DNAH5: variants seen among roughly 807,000 people sequenced by gnomAD.
DNAH5 encodes dynein axonemal heavy chain 5.
A neutral mutation model predicts 518.2 loss-of-function variants in DNAH5; 372 were observed. The observed-to-expected ratio is 0.72, with a 90% CI of 0.66 to 0.78. DNAH5 has a LOEUF of 0.78. Among genes scored for constraint, DNAH5 ranks in the 30% least tolerant of loss-of-function variants. DNAH5 has a pLI of 0.00. For missense variants in DNAH5, 5,523 were observed against 5,687.0 expected, an observed-to-expected ratio of 0.97 and a Z score of 0.93; for synonymous variants, 2,039 against 2,025.9, an observed-to-expected ratio of 1.01 and a Z score of -0.17.
intron 22 of DNAH5, among the ~76,000 whole-genome samples, 185 bp downstream of exon 22, chr5:13,876,499 T>C (rs554653515): frequency 3.3e-5 from 5 of 152,358 alleles, no homozygotes; most frequent in African/African-American, 1.2e-4. Context: ...TAATTTTTTT[T>C]CACCTTGCAA....
At chr5:13,727,182 C>A (rs1745860679) in intron 70 of DNAH5, among the ~76,000 whole-genome samples, 2 of 152,136 alleles carry the variant, frequency 1.3e-5, no homozygotes, top group South Asian at 2.1e-4. Context: ...GCCATATAAT[C>A]TTTGATTGAA....
In DNAH5 at chr5:13,867,966, A is replaced by T; in HGVS notation, c.3861T>A (p.Tyr1287Ter). 5 of 1,613,398 alleles carry T rather than the reference A, an allele frequency of 3.1e-6. No individual in the cohort carries two copies. Among genetic ancestry groups the T allele is most frequent in the Non-Finnish European group, 4.2e-6 (5 of 1,179,846 alleles). The change falls in exon 25 of 79, where the codon TAT becomes TAA. Residue 1287 changes from tyrosine (Y) to a stop codon, truncating the protein, a stop_gained. Coordinates refer to ENST00000265104, the MANE Select transcript of DNAH5 (RefSeq NM_001369.3). LOFTEE classifies it high-confidence loss of function. ...IEESYALLNR[Y>*]GLLIAREEID... ...TCTCTTCCCTTGCTATCAGAAGTCCATATCTGTTAAGCAGGGCATAAGATT... is the reference window on the plus strand; with the variant it reads ...TCTCTTCCCTTGCTATCAGAAGTCCTTATCTGTTAAGCAGGGCATAAGATT...
chr5:13,774,296 T>C (rs1485100659), intron 55 of DNAH5, among the ~76,000 whole-genome samples: 1 of 151,934 alleles, frequency 6.6e-6, no homozygotes, highest in Non-Finnish European at 1.5e-5. Context: ...GGGGAGGTGT[T>C]GATGACAAAG....
At chr5:13,898,414 G>A in intron 15 of DNAH5, 1 of 397,020 alleles carries the variant, frequency 2.5e-6, no homozygotes. Flanking sequence ...GTTTCCTAAT[G>A]TGAAAGAGTC....
chr5:13,929,605 G>A (rs927564730), intron 2 of DNAH5, among the ~76,000 whole-genome samples: 1 of 152,120 alleles, frequency 6.6e-6, no homozygotes, highest in Non-Finnish European at 1.5e-5. Context: ...CCACAGGGAC[G>A]AGGAGGAAGG....
chr5:13,753,593 C>T lies in DNAH5; in HGVS notation c.10556-44G>A, dbSNP rs569385998. ...ACCATTGAAATACTTTACGTTCATC[C>T]GTGTGATTGTACAGCATATTAAAAA... On this transcript the variant is annotated intron_variant, in intron 62 of 78. Transcript: ENST00000265104. 2.0e-5 allele frequency: 30 copies of T among 1,508,884 alleles called. No homozygotes were observed. In the East Asian group the frequency reaches 3.2e-4, roughly 16 times the overall value. The allele number at this position is 1,508,884 out of a possible 1,614,324, so 93.5% of individuals were successfully genotyped here.
At position 13,753,275 on chromosome 5, in the gene DNAH5, G is replaced by A. The variant is rs1750510101; in HGVS notation, c.10830C>T (p.Gly3610=). Residue 3610 remains glycine, a synonymous_variant, in exon 63 of 79, where the codon GGC becomes GGT. Coordinates refer to ENST00000265104, the MANE Select transcript of DNAH5 (RefSeq NM_001369.3). ...YPLLIDPQTQ[G]KIWIKNKESR... is the part of the protein sequence containing the mutation. ...TTTCTTTATTTTTAATCCAGATCTT[G>A]CCTTGAGTCTGTGGATCAATTAACA... The A allele has an allele frequency of 6.2e-7, 1 of 1,613,926 alleles. No individual in the cohort carries two copies. The highest frequency in any genetic ancestry group is 8.5e-7 in the Non-Finnish European group (1 of 1,179,878).
chr5:13,832,878 G>T (rs750395990), intron 35 of DNAH5, among the ~76,000 whole-genome samples: 1 of 152,120 alleles, frequency 6.6e-6, no homozygotes, highest in Admixed American at 6.5e-5. Flanking sequence ...ATTAGCACTC[G>T]AACTAACCAA....
In DNAH5 at chr5:13,707,674, A is replaced by G. The variant is rs925420408; in HGVS notation, c.13338+449T>C. On this transcript the variant is annotated intron_variant, in intron 76 of 78. Transcript: ENST00000265104. The surrounding 1 kb of genome is among the most constrained non-coding windows in gnomAD (Gnocchi z 4.0). ...AACTCCTCCGATTTCGACAGCATGTAGCAGAAACTTTATTTTTTTTTTCCT... is the reference window on the plus strand; with the variant it reads ...AACTCCTCCGATTTCGACAGCATGTGGCAGAAACTTTATTTTTTTTTTCCT... Among the ~76,000 whole-genome samples the G allele has an allele frequency of 2.0e-5, 3 of 151,810 alleles. No individual in the cohort carries two copies. The highest frequency in any genetic ancestry group is 6.6e-5 in the Admixed American group (1 of 15,262).
intron 53 of DNAH5, among the ~76,000 whole-genome samples, chr5:13,778,228 A>G (rs1754392191): frequency 6.6e-6 from 1 of 152,096 alleles, no homozygotes; most frequent in Non-Finnish European, 1.5e-5. Context: ...CTATGCATCA[A>G]TACTTCTAGA....
At chr5:13,944,323 A>G in intron 1 of DNAH5, 59 bp downstream of exon 1, 1 of 1,559,196 alleles carries the variant, frequency 6.4e-7, no homozygotes, top group Non-Finnish European at 8.8e-7. Context: ...TTTTCCACCC[A>G]GGTGTGACAG....
intron 31 of DNAH5, among the ~76,000 whole-genome samples, chr5:13,850,196 A>G (rs1429906379): frequency 2.6e-5 from 4 of 152,158 alleles, no homozygotes; most frequent in Non-Finnish European, 5.9e-5. Context: ...AAAAAACTTT[A>G]TGACTCTTGG....
Position 13,829,626 on chromosome 5 carries a change from C to A in DNAH5, c.6328G>T (p.Asp2110Tyr). Residue 2110 changes from aspartate (D) to tyrosine (Y), a missense_variant, in exon 38 of 79, where the codon GAC (aspartate) becomes TAC (tyrosine). Asp to Tyr is a radical substitution (Grantham distance 160). Transcript: ENST00000265104. ...TTCACCCTTATGATAATCTGACGGT[C>A]AGGCACCATCATGGCCACTGAGCGG... is the stretch of plus-strand genomic sequence containing the variant. ...NFRSVAMMVP[D>Y]RQIIIRVKLA... is the part of the protein sequence containing the mutation. 6.2e-7 allele frequency: 1 copy of A among 1,614,196 alleles called. No homozygotes were observed. The highest frequency in any genetic ancestry group is 8.5e-7 in the Non-Finnish European group (1 of 1,180,030).
At chr5:13,842,441 A>AAGAGAGAGAGAGAGAG (rs1177610939) in intron 32 of DNAH5, among the ~76,000 whole-genome samples, 11 of 102,070 alleles carry the variant, frequency 1.1e-4, no homozygotes, top group African/African-American at 3.9e-4. Context: ...GAAAGAAAGA[A>AAGAGAGAGAGAGAGAG]AGAAAGAAAG....
rs144629966 is a variant in DNAH5 at position 13,950,277 on chromosome 5, C to T, written c.13-19033G>A. On this transcript the variant is annotated intron_variant, in intron 1 of 78. Coordinates refer to the DNAH5 transcript ENST00000681290. Reference sequence around the variant, plus strand: ...TTTTGAACAAATTTTGCTCCCCAAACCATGATACTTGTATTTTTTTTTTGA... The same window carrying T: ...TTTTGAACAAATTTTGCTCCCCAAATCATGATACTTGTATTTTTTTTTTGA... Among the ~76,000 whole-genome samples, 462 of 152,024 alleles carry T rather than the reference C, an allele frequency of 3.0e-3. 2 individuals carry two copies. The highest frequency in any genetic ancestry group is 0.011 in the African/African-American group (454 of 41,420).
chr5:13,929,313 C>CG (rs1263183830), intron 2 of DNAH5, among the ~76,000 whole-genome samples: 1 of 151,976 alleles, frequency 6.6e-6, no homozygotes, highest in East Asian at 1.9e-4. Context: ...AAGTAGAATG[C>CG]GGGGGTTGCC....
intron 1 of DNAH5, among the ~76,000 whole-genome samples, chr5:13,943,309 A>C (rs1453099013): frequency 6.6e-6 from 1 of 152,242 alleles, no homozygotes; most frequent in Non-Finnish European, 1.5e-5. Context: ...GAGAACTCGC[A>C]ATCTAGCAAG....
At chr5:13,722,049 C>A (rs1173642214) in intron 70 of DNAH5, among the ~76,000 whole-genome samples, 4 of 152,116 alleles carry the variant, frequency 2.6e-5, no homozygotes. Context: ...TGGGTAAAAC[C>A]CAAGTTTCTC....
intron 76 of DNAH5, among the ~76,000 whole-genome samples, chr5:13,702,722 GTGA>G (rs1742275872): frequency 6.6e-6 from 1 of 152,188 alleles, no homozygotes; most frequent in South Asian, 2.1e-4. Context: ...TCTCAGCTAT[GTGA>G]TGAGAGGGAT....
Sources: allele counts gnomAD v4.1 joint callset (sites outside exome capture counted in the v4.1 genomes callset), GRCh38; gene constraint gnomAD v4.1.1; non-coding constraint Gnocchi (gnomAD v3.1); transcripts MANE v1.5; gene names NCBI Gene and HGNC (gene_info 2026-07-23, HGNC 2026-07-21).